SAFB2: variants seen among roughly 807,000 people sequenced by gnomAD.
The protein encoded by SAFB2 is scaffold attachment factor B2.
Under a neutral mutation model 100.6 loss-of-function variants are expected in SAFB2, and 32 were observed. The ratio of observed to expected loss-of-function variants is 0.32; its 90% CI spans 0.24 to 0.43. The LOEUF is 0.43. Among genes scored for constraint, SAFB2 ranks in the 20% least tolerant of loss-of-function variants. The pLI is 1.00. For synonymous variants in SAFB2, 500 were observed against 439.4 expected (o/e 1.14, Z -1.72); for missense variants, 1,185 against 1,163.4 (o/e 1.02, Z -0.27).
Position 5,595,610 on chromosome 19 carries a change from T to TGG in SAFB2, c.1783-115_1783-114dup. ...ATTCTCTGGCCCCACATGGTGTAGA[T>TGG]GGAAGGCTGTGGTCTCCAGACCAGA... On this transcript the variant is annotated intron_variant, in intron 13 of 20. Coordinates refer to ENST00000252542, the MANE Select transcript of SAFB2 (RefSeq NM_014649.3). 4 of 1,305,122 alleles carry TGG rather than the reference T, an allele frequency of 3.1e-6. No individual in the cohort carries two copies. The South Asian group carries it at 5.8e-5, about 19-fold the overall frequency. 80.8% of individuals were successfully genotyped at this position (1,305,122 alleles called of 1,614,324 possible).
At chr19:5,616,643 CTTTTTTTTTTTTTTTTTT>C (rs60033130) in intron 2 of SAFB2, among the ~76,000 whole-genome samples, 157 bp from the exon 3 acceptor site, 1 of 72,798 alleles carries the variant, frequency 1.4e-5, no homozygotes, top group Non-Finnish European at 2.4e-5. Flanking sequence ...AATTTGTTTT[CTTTTTTTTTTTTTTTTTT>C]TTTTTTTTGA....
chr19:5,618,522 G>A (rs1261218272), intron 2 of SAFB2, among the ~76,000 whole-genome samples: 1 of 152,170 alleles, frequency 6.6e-6, no homozygotes, highest in Non-Finnish European at 1.5e-5. Context: ...GCCTAACAAC[G>A]CTAGCAGGTT....
At chr19:5,610,560 A>T in intron 8 of SAFB2, 79 bp downstream of exon 8, 2 of 1,004,976 alleles carry the variant, frequency 2.0e-6, no homozygotes, top group South Asian at 2.9e-5. Context: ...CTGAATCCAA[A>T]GTGTGTATAT....
In SAFB2 at chr19:5,622,755, C is replaced by G; in HGVS notation, c.-40G>C. 1 of 1,566,576 alleles carries G rather than the reference C, an allele frequency of 6.4e-7. No homozygotes were observed. Among genetic ancestry groups the G allele is most frequent in the Non-Finnish European group, 8.6e-7 (1 of 1,161,212 alleles). On this transcript the variant is annotated 5_prime_UTR_variant, in exon 1 of 21. Coordinates refer to ENST00000252542, the MANE Select transcript of SAFB2 (RefSeq NM_014649.3). ...CTTCGCCACCGACTCAGTCGCACAC[C>G]GCCGGCAGCTATAGCGGCTCTGAAC...
In SAFB2 at chr19:5,593,913, G is replaced by A. The variant is rs1244044578; in HGVS notation, c.2185C>T (p.Arg729Trp). The change falls in exon 15 of 21, where the codon CGG becomes TGG. Residue 729 changes from arginine to tryptophan, a missense_variant. Arg to Trp is a moderately radical substitution (Grantham distance 101). Around this residue, in one of 3 missense-constraint regions of SAFB2, gnomAD observed 740 missense variants for 687.1 expected, o/e 1.08. Coordinates refer to ENST00000252542, the MANE Select transcript of SAFB2 (RefSeq NM_014649.3). ...LRYEQERRPG[R>W]RPYDLDRRDD... is the part of the protein sequence containing the mutation. ...CACCGGTCCAGGTCGTAGGGCCTCC[G>A]CCCGGGCCGCCGCTCCTGCTCGTAA... 9.9e-6 allele frequency: 15 copies of A among 1,522,076 alleles called. No homozygotes were observed. The Admixed American group carries it at 1.0e-4, about 10-fold the overall frequency. The allele number at this position is 1,522,076 out of a possible 1,614,324, so 94.3% of individuals were successfully genotyped here.
At chr19:5,603,163 G>T (rs189785955) in intron 11 of SAFB2, among the ~76,000 whole-genome samples, 2 of 152,172 alleles carry the variant, frequency 1.3e-5, no homozygotes, top group African/African-American at 4.8e-5. Context: ...AGCTACTAGG[G>T]AGGCTGAGGT....
intron 17 of SAFB2, among the ~76,000 whole-genome samples, chr19:5,590,799 A>G (rs1359115925): frequency 1.3e-5 from 2 of 152,196 alleles, no homozygotes; most frequent in Admixed American, 1.3e-4. Flanking sequence ...GCAGGGCCAC[A>G]ATTCCGGCCT....
intron 11 of SAFB2, among the ~76,000 whole-genome samples, 166 bp from the exon 12 acceptor site, chr19:5,600,426 C>T (rs1332515511): frequency 6.6e-6 from 1 of 152,128 alleles, no homozygotes; most frequent in African/African-American, 2.4e-5. Flanking sequence ...TAACAATACT[C>T]CTCTTTAGAT....
At chr19:5,588,831 T>G (rs1040086467) in intron 18 of SAFB2, 11 of 152,260 alleles carry the variant, frequency 7.2e-5, no homozygotes, top group African/African-American at 2.7e-4. Flanking sequence ...CTCCACTGAC[T>G]GCACACGTGA....
chr19:5,612,430 C>G, intron 6 of SAFB2, 110 bp downstream of exon 6: 8 of 987,838 alleles, frequency 8.1e-6, no homozygotes, highest in Non-Finnish European at 1.3e-5. Flanking sequence ...CTGGATTGTC[C>G]ACCATTAGAG....
chr19:5,606,473 A>T (rs1458550110), intron 9 of SAFB2, among the ~76,000 whole-genome samples: 1 of 152,224 alleles, frequency 6.6e-6, no homozygotes, highest in Non-Finnish European at 1.5e-5. Flanking sequence ...CAAAAATTTT[A>T]AAAATTAGCT....
intron 12 of SAFB2, 99 bp downstream of exon 12, chr19:5,600,031 A>G (rs1159096816): frequency 7.9e-7 from 1 of 1,259,728 alleles, no homozygotes; most frequent in East Asian, 2.3e-5. Flanking sequence ...CGAAACAGCC[A>G]TGTCACCAGA....
chr19:5,609,490 G>A (rs1007527016), intron 9 of SAFB2, among the ~76,000 whole-genome samples: 1 of 151,988 alleles, frequency 6.6e-6, no homozygotes, highest in African/African-American at 2.4e-5. Context: ...TTTTAGCAGA[G>A]ACAGGGTTTC....
intron 12 of SAFB2, among the ~76,000 whole-genome samples, chr19:5,599,374 G>A (rs1274117481): frequency 1.3e-5 from 2 of 152,140 alleles, no homozygotes; most frequent in Non-Finnish European, 2.9e-5. Context: ...CTCTCCTGAC[G>A]ACAGAACCAC....
intron 18 of SAFB2, among the ~76,000 whole-genome samples, chr19:5,589,954 G>A (rs2052353801): frequency 6.6e-6 from 1 of 152,172 alleles, no homozygotes; most frequent in Admixed American, 6.5e-5. Context: ...GGACGGGGCA[G>A]GACTAAGAGC....
chr19:5,605,049 T>G, intron 9 of SAFB2, 113 bp from the exon 10 acceptor site: 18 of 1,181,852 alleles, frequency 1.5e-5, no homozygotes, highest in Non-Finnish European at 1.8e-5. Context: ...CCCCATATGG[T>G]AGTTTTCCAT....
intron 1 of SAFB2, 31 bp from the exon 2 acceptor site, chr19:5,621,427 A>G (rs781643277): frequency 7.5e-7 from 1 of 1,332,248 alleles, no homozygotes; most frequent in East Asian, 2.3e-5. Context: ...TTACAACATC[A>G]TTAAGAGCTG....
chr19:5,604,777 A>G lies in SAFB2; in HGVS notation c.1446+10T>C. ...CATTTGCGAGTTACCATAGACGAGAACTGCCTCACCTTCTCTACGGAGATC... is the reference window on the plus strand; with the variant it reads ...CATTTGCGAGTTACCATAGACGAGAGCTGCCTCACCTTCTCTACGGAGATC... On this transcript the variant is annotated intron_variant, in intron 10 of 20. Transcript: ENST00000252542. 1 of 1,614,004 alleles carries G rather than the reference A, an allele frequency of 6.2e-7. No homozygotes were observed.
At chr19:5,614,416 T>C (rs1033377587) in intron 4 of SAFB2, among the ~76,000 whole-genome samples, 3 of 152,244 alleles carry the variant, frequency 2.0e-5, no homozygotes, top group African/African-American at 7.2e-5. Context: ...TTTTTTCCTT[T>C]TCTCGATTTG....
Sources: gnomAD v4.1 joint callset for allele counts (sites outside exome capture counted in the v4.1 genomes callset) on GRCh38, gnomAD v4.1.1 for gene constraint, gnomAD v4.1.1 regional missense constraint, MANE v1.5 for transcripts, NCBI Gene and HGNC (gene_info 2026-07-23, HGNC 2026-07-21) for gene names.